SAP130: variants seen among roughly 807,000 people sequenced by gnomAD.
SAP130 encodes the protein histone deacetylase complex subunit SAP130.
Under a neutral mutation model 103.2 loss-of-function variants are expected in SAP130, and 16 were observed. The ratio of observed to expected loss-of-function variants is 0.16; its 90% CI spans 0.10 to 0.24. SAP130 has a LOEUF of 0.24. SAP130 is among the 10% of genes least tolerant of loss of function. The pLI is 1.00. For synonymous variants in SAP130, 477 were observed against 497.0 expected (o/e 0.96, Z 0.53); for missense variants, 990 against 1,359.7 (o/e 0.73, Z 4.28).
At chr2:128,015,259 A>C (rs1186096144) in intron 4 of SAP130, among the ~76,000 whole-genome samples, 1 of 152,004 alleles carries the variant, frequency 6.6e-6, no homozygotes, top group Non-Finnish European at 1.5e-5. Context: ...TCCCATTCTC[A>C]CTATTTCCTT....
At chr2:127,994,750 C>A (rs1189305142) in intron 11 of SAP130, among the ~76,000 whole-genome samples, 1 of 152,136 alleles carries the variant, frequency 6.6e-6, no homozygotes, top group Non-Finnish European at 1.5e-5. Context: ...AGAGCAAGAT[C>A]CTGTCTCAAA....
intron 2 of SAP130, among the ~76,000 whole-genome samples, chr2:128,020,728 G>T (rs1004973193): frequency 2.6e-5 from 4 of 152,196 alleles, no homozygotes; most frequent in African/African-American, 9.7e-5. Flanking sequence ...GCCGGGCACA[G>T]TGGCTCATGT....
At chr2:127,946,224 A>G (rs1679067683) in intron 18 of SAP130, among the ~76,000 whole-genome samples, 1 of 152,294 alleles carries the variant, frequency 6.6e-6, no homozygotes, top group Non-Finnish European at 1.5e-5. Flanking sequence ...AGTGTGAAGA[A>G]GTTCAAACCT....
chr2:128,027,600 A>T (rs2105280117), intron 1 of SAP130, among the ~76,000 whole-genome samples: 1 of 149,844 alleles, frequency 6.7e-6, no homozygotes, highest in African/African-American at 2.5e-5. Flanking sequence ...AAACTGCTCC[A>T]GGAGCCAAAC....
At position 127,997,541 on chromosome 2, in the gene SAP130, A is replaced by G. The variant is rs534752287; in HGVS notation, c.1214-1050T>C. On this transcript the variant is annotated intron_variant, in intron 10 of 20. Coordinates refer to ENST00000643581, the MANE Select transcript of SAP130 (RefSeq NM_001330301.2). ...CAGCTGGAGAAGTTTTCGCAGGGTGATAACAGGAATGCCCATCTGACCACT... is the reference window on the plus strand; with the variant it reads ...CAGCTGGAGAAGTTTTCGCAGGGTGGTAACAGGAATGCCCATCTGACCACT... Among the ~76,000 whole-genome samples the G allele has an allele frequency of 2.6e-5, 4 of 152,318 alleles. No individual in the cohort carries two copies. The South Asian group carries it at 6.2e-4, about 24-fold the overall frequency.
intron 15 of SAP130, among the ~76,000 whole-genome samples, chr2:127,965,033 A>G (rs1237555979): frequency 6.8e-6 from 1 of 147,278 alleles, no homozygotes; most frequent in African/African-American, 2.5e-5. Flanking sequence ...GTGGTGGCTC[A>G]TGCCTGTAAT....
chr2:127,996,585 C>A lies in SAP130; in HGVS notation c.1214-94G>T. ...CTAGCAGCAATCTTAGGAAAGCAAACAATTAAAATAAGCCTGGATTTTTAA... is the reference window on the plus strand; with the variant it reads ...CTAGCAGCAATCTTAGGAAAGCAAAAAATTAAAATAAGCCTGGATTTTTAA... On this transcript the variant is annotated intron_variant, in intron 10 of 20. Coordinates refer to ENST00000643581, the MANE Select transcript of SAP130 (RefSeq NM_001330301.2). The surrounding 1 kb of genome is among the most constrained non-coding windows in gnomAD (Gnocchi z 4.3). 6.1e-6 allele frequency: 7 copies of A among 1,143,258 alleles called. No individual in the cohort carries two copies. Among genetic ancestry groups the A allele is most frequent in the Middle Eastern group, 2.8e-4 (1 of 3,614 alleles). 70.8% of individuals were successfully genotyped at this position (1,143,258 alleles called of 1,614,324 possible). A position where few individuals can be genotyped will look rare whatever the true frequency, so the allele number is the denominator to read the frequency against.
chr2:128,016,924 A>G (rs1407294134), intron 3 of SAP130, among the ~76,000 whole-genome samples: 1 of 152,232 alleles, frequency 6.6e-6, no homozygotes, highest in Non-Finnish European at 1.5e-5. Context: ...GGTAATACAC[A>G]GGCAATATTC....
rs72969611 is a variant in SAP130, at chr2:127,955,595, T to C, written c.2064-251A>G. Among the ~76,000 whole-genome samples, 3,605 of 152,258 alleles carry C rather than the reference T, an allele frequency of 0.024. 105 individuals carry two copies. The highest frequency in any genetic ancestry group is 0.14 in the East Asian group (711 of 5,180). ...TCTGTCTTCTGGGCTCGAGGGATTC[T>C]CCCACCTCATCCTCCCGAGTAGCTG... On this transcript the variant is annotated intron_variant, in intron 15 of 20. Transcript: ENST00000643581. This position sits in a 1 kb window ranked among gnomAD's most constrained non-coding sequence, Gnocchi z 4.9.
intron 12 of SAP130, among the ~76,000 whole-genome samples, chr2:127,992,904 A>T (rs961634956): frequency 6.6e-6 from 1 of 152,212 alleles, no homozygotes. Context: ...ATAAAAGTGC[A>T]GCTCTATTCA....
chr2:128,025,278 T>C (rs1157012732), intron 2 of SAP130, among the ~76,000 whole-genome samples: 1 of 152,234 alleles, frequency 6.6e-6, no homozygotes, highest in Non-Finnish European at 1.5e-5. Flanking sequence ...CCCTGGCCTC[T>C]ACCTATCAGA....
chr2:128,011,125 A>ACACCCGCT (rs1553515360), intron 6 of SAP130, among the ~76,000 whole-genome samples: 1 of 152,014 alleles, frequency 6.6e-6, no homozygotes. Flanking sequence ...GCTGCCATCC[A>ACACCCGCT]ACCCAGCACC....
chr2:127,985,588 T>C (rs1682317828), intron 14 of SAP130, among the ~76,000 whole-genome samples: 2 of 152,138 alleles, frequency 1.3e-5, no homozygotes, highest in African/African-American at 4.8e-5. Flanking sequence ...CTACCAAATA[T>C]GACCCTTACT....
At chr2:127,977,852 T>G in intron 15 of SAP130, 133 bp downstream of exon 15, 3 of 675,942 alleles carry the variant, frequency 4.4e-6, no homozygotes, top group Non-Finnish European at 5.1e-6. Flanking sequence ...TGATGGCGGC[T>G]GAGAATAGCC....
intron 18 of SAP130, among the ~76,000 whole-genome samples, chr2:127,947,749 T>C (rs1455259223): frequency 6.7e-6 from 1 of 149,506 alleles, no homozygotes; most frequent in East Asian, 2.0e-4. Context: ...TGAATTAATT[T>C]TGTATTGTGT....
In SAP130 at chr2:128,004,361, CTTT is replaced by C. The variant is rs71935874; in HGVS notation, c.870-3910_870-3908del. On this transcript the variant is annotated intron_variant, in intron 7 of 20. Coordinates refer to ENST00000643581, the MANE Select transcript of SAP130 (RefSeq NM_001330301.2). ...AGTGAAAGGAGGATTGCTTTCTTTC[CTTT>C]TTTTTTTTTTTTTTTTTTTTTTTTA... Among the ~76,000 whole-genome samples the C allele has an allele frequency of 4.3e-3, 326 of 76,014 alleles. 4 individuals are homozygous for C. The highest frequency in any genetic ancestry group is 0.013 in the African/African-American group (295 of 22,588). The allele number at this position is 76,014 out of a possible 152,430, so 49.9% of individuals were successfully genotyped here. A position where few individuals can be genotyped will look rare whatever the true frequency, so the allele number is the denominator to read the frequency against.
intron 15 of SAP130, among the ~76,000 whole-genome samples, chr2:127,965,795 A>G (rs114492439): frequency 0.013 from 2,017 of 151,740 alleles, 37 homozygotes; most frequent in African/African-American, 0.047. Context: ...CTCAAAAAAG[A>G]GAGAGAGAGA....
At chr2:128,006,886 A>G (rs1043077915) in intron 7 of SAP130, among the ~76,000 whole-genome samples, 1 of 152,222 alleles carries the variant, frequency 6.6e-6, no homozygotes, top group African/African-American at 2.4e-5. Context: ...AAGAAGTTCT[A>G]TCTTAATTCC....
intron 1 of SAP130, 94 bp from the exon 2 acceptor site, chr2:128,026,392 C>T: frequency 1.2e-6 from 1 of 826,032 alleles, no homozygotes; most frequent in Non-Finnish European, 2.0e-6. Context: ...TGAGATAGTC[C>T]CTTGGAAAAG....
Sources: gnomAD v4.1 joint callset for allele counts (sites outside exome capture counted in the v4.1 genomes callset) on GRCh38, gnomAD v4.1.1 for gene constraint, Gnocchi (gnomAD v3.1) non-coding constraint, MANE v1.5 for transcripts, NCBI Gene and HGNC (gene_info 2026-07-23, HGNC 2026-07-21) for gene names.